The following AP3B1 variants were observed in gnomAD, a reference collection of about 807,000 sequenced individuals.
The protein encoded by AP3B1 is adaptor related protein complex 3 subunit beta 1.
AP3B1 carries 61 observed loss-of-function variants against 132.5 expected under a neutral mutation model. The observed-to-expected ratio is 0.46, with a 90% confidence interval of 0.37 to 0.57. AP3B1 has a LOEUF of 0.57. AP3B1 is among the 20% of genes least tolerant of loss of function. The pLI is 0.00. For synonymous variants in AP3B1, 388 were observed against 438.3 expected, an observed-to-expected ratio of 0.89 and a Z score of 1.43; for missense variants, 1,120 against 1,289.4, an observed-to-expected ratio of 0.87 and a Z score of 2.01.
chr5:78,268,804 C>T (rs1317757529), intron 1 of AP3B1, among the ~76,000 whole-genome samples: 1 of 152,128 alleles, frequency 6.6e-6, no homozygotes, highest in Non-Finnish European at 1.5e-5. Context: ...ACAAATACTG[C>T]ATTAATATAG....
chr5:78,205,156 CAA>C lies in AP3B1; in HGVS notation c.786+10897_786+10898del, dbSNP rs376475302. ...TAAAACAGTAATAAAAGTTCACTAA[CAA>C]TATACGACATAAAGATACAATTTTT... On this transcript the variant is annotated intron_variant, in intron 7 of 26. Transcript: ENST00000255194. Among the ~76,000 whole-genome samples, 465 of 151,950 alleles carry C rather than the reference CAA, an allele frequency of 3.1e-3. 4 individuals are homozygous for C. Among genetic ancestry groups the C allele is most frequent in the African/African-American group, 0.011 (444 of 41,424 alleles).
intron 17 of AP3B1, among the ~76,000 whole-genome samples, chr5:78,124,117 A>G (rs1157647907): frequency 1.3e-5 from 2 of 152,270 alleles, no homozygotes; most frequent in Middle Eastern, 6.8e-3. Context: ...CAAACACCAC[A>G]TGTTCTCACT....
At chr5:78,210,488 A>G (rs1038378847) in intron 7 of AP3B1, among the ~76,000 whole-genome samples, 4 of 152,234 alleles carry the variant, frequency 2.6e-5, no homozygotes, top group African/African-American at 9.6e-5. Flanking sequence ...AGGTTTTATA[A>G]TTGATGTACA....
At position 78,113,777 on chromosome 5, in the gene AP3B1, T is replaced by A; in HGVS notation, c.2224A>T (p.Arg742Trp). The change falls in exon 19 of 27, where the codon AGG becomes TGG. Residue 742 changes from arginine (R) to tryptophan (W), a missense_variant. Transcript: ENST00000255194. ...CTTTTTCCTTTGGCTTTTGAGTTCC[T>A]CTTGGCTGTTCTTTTGTTTTCTAGG... The part of the protein sequence containing the change: ...SGLENKRTAK[R>W]NSKAKGKSDS... The A allele has an allele frequency of 6.2e-7, 1 of 1,614,138 alleles. No individual in the cohort carries two copies. Among genetic ancestry groups the A allele is most frequent in the South Asian group, 1.1e-5 (1 of 91,068 alleles).
At chr5:78,250,464 C>T (rs369994821) in intron 2 of AP3B1, among the ~76,000 whole-genome samples, 48 of 152,154 alleles carry the variant, frequency 3.2e-4, no homozygotes, top group African/African-American at 1.1e-3. Context: ...TTTATTAATA[C>T]GAATACTACT....
chr5:78,089,380 A>G lies in AP3B1; in HGVS notation c.2577+13T>C, dbSNP rs1476748342. On this transcript the variant is annotated intron_variant, in intron 22 of 26. Transcript: ENST00000255194. ...TAAGAAAACCGAGCTGGTGGATTTT[A>G]AAAATAACTTACACTGATGACTGAA... 1.3e-6 allele frequency: 2 copies of G among 1,579,434 alleles called. No individual in the cohort carries two copies. The highest frequency in any genetic ancestry group is 1.7e-6 in the Non-Finnish European group (2 of 1,148,838).
chr5:78,133,477 G>A (rs2112309935), intron 15 of AP3B1, among the ~76,000 whole-genome samples: 1 of 152,238 alleles, frequency 6.6e-6, no homozygotes, highest in African/African-American at 2.4e-5. Context: ...GCTATTTTAA[G>A]GCAAATATTA....
At chr5:78,176,056 G>A (rs1316857892) in intron 9 of AP3B1, among the ~76,000 whole-genome samples, 9 of 152,104 alleles carry the variant, frequency 5.9e-5, no homozygotes, top group African/African-American at 1.4e-4. Context: ...ATGAAGAATA[G>A]TTAAAACAAA....
intron 17 of AP3B1, among the ~76,000 whole-genome samples, chr5:78,121,206 A>T (rs1752175759): frequency 1.3e-5 from 2 of 152,162 alleles, no homozygotes; most frequent in Admixed American, 1.3e-4. Flanking sequence ...GTGTAGAGGG[A>T]AATTTATAGC....
intron 7 of AP3B1, among the ~76,000 whole-genome samples, chr5:78,195,798 C>T (rs539923441): frequency 5.9e-5 from 9 of 151,906 alleles, no homozygotes; most frequent in East Asian, 1.9e-4. Context: ...CCAGCCTGGG[C>T]GACAAAGCAA....
In AP3B1 at chr5:78,118,848, G is replaced by A. The variant is rs563477325; in HGVS notation, c.1969-2614C>T. ...GGAGTGGTTTTCCCAGCACGCAGCT[G>A]GAGATCTGAGAACGGGCAGACTGCC... On this transcript the variant is annotated intron_variant, in intron 17 of 26. Transcript: ENST00000255194. 2.2e-4 allele frequency among the ~76,000 whole-genome samples: 34 copies of A among 152,322 alleles called. 1 individual carries two copies. The highest frequency in any genetic ancestry group is 8.2e-4 in the African/African-American group (34 of 41,570).
intron 14 of AP3B1, among the ~76,000 whole-genome samples, chr5:78,142,048 T>G (rs1012369436): frequency 6.6e-6 from 1 of 152,182 alleles, no homozygotes; most frequent in Non-Finnish European, 1.5e-5. Flanking sequence ...TGGAAATATA[T>G]CAAACTGATA....
intron 22 of AP3B1, among the ~76,000 whole-genome samples, chr5:78,040,649 A>T (rs1187108730): frequency 1.3e-5 from 2 of 152,182 alleles, no homozygotes; most frequent in South Asian, 4.1e-4. Context: ...ATTGCATACT[A>T]GGCTTGACCT....
intron 11 of AP3B1, among the ~76,000 whole-genome samples, chr5:78,173,756 T>C (rs774182396): frequency 3.9e-5 from 6 of 152,118 alleles, no homozygotes; most frequent in Non-Finnish European, 5.9e-5. Flanking sequence ...GAAGTTCTCC[T>C]GGATGATATC....
intron 23 of AP3B1, among the ~76,000 whole-genome samples, chr5:78,038,622 G>C (rs1747909307): frequency 6.6e-6 from 1 of 152,192 alleles, no homozygotes; most frequent in South Asian, 2.1e-4. Flanking sequence ...AGGGAAACAG[G>C]AAAGGATCTC....
chr5:78,100,954 A>G lies in AP3B1; in HGVS notation c.2469T>C (p.Asp823=). 3 of 1,535,090 alleles carry G rather than the reference A, an allele frequency of 2.0e-6. No homozygotes were observed. Among genetic ancestry groups the G allele is most frequent in the South Asian group, 1.2e-5 (1 of 86,894 alleles). Residue 823 remains aspartate (D), a splice_region_variant and synonymous_variant, in exon 21 of 27, where the codon GAT becomes GAC. Transcript: ENST00000255194. ...AATATTTTAAATTACAATACTTACA[A>G]TCATCCAGATCTAGAAGTGAAACAT... The part of the protein sequence containing the change: ...TKDVSLLDLD[D]FNPVSTPVAL...
chr5:78,116,355 T>C, intron 17 of AP3B1, 121 bp from the exon 18 acceptor site: 2 of 803,704 alleles, frequency 2.5e-6, no homozygotes, highest in African/African-American at 1.7e-5. Context: ...CCACAGGGAA[T>C]GCAACTGTTA....
At chr5:78,104,529 A>C (rs951535910) in intron 20 of AP3B1, among the ~76,000 whole-genome samples, 1 of 151,896 alleles carries the variant, frequency 6.6e-6, no homozygotes, top group Non-Finnish European at 1.5e-5. Context: ...AGTAAAACCC[A>C]ATATTCTTCA....
At chr5:78,108,611 T>TG (rs1233275181) in intron 20 of AP3B1, among the ~76,000 whole-genome samples, 1 of 152,188 alleles carries the variant, frequency 6.6e-6, no homozygotes, top group Non-Finnish European at 1.5e-5. Context: ...TCAAAGGCCT[T>TG]GGTTCACTGC....
Sources: gnomAD v4.1 joint callset for allele counts (sites outside exome capture counted in the v4.1 genomes callset) on GRCh38, gnomAD v4.1.1 for gene constraint, MANE v1.5 for transcripts, NCBI Gene and HGNC (gene_info 2026-07-23, HGNC 2026-07-21) for gene names.